Variants in RP9 observed in about 807,000 individuals in gnomAD.
RP9 encodes RP9 pre-mRNA splicing factor, also known as retinitis pigmentosa 9 protein.
A neutral mutation model predicts 32.6 loss-of-function variants in RP9; 23 were observed. The observed-to-expected ratio is 0.71, with a 90% CI of 0.51 to 1.00. The LOEUF is 1.00. RP9 is among the 50% of genes least tolerant of loss of function. The pLI is 0.00. For missense variants in RP9, 245 were observed against 285.3 expected, an observed-to-expected ratio of 0.86 and a Z score of 1.02; for synonymous variants, 94 against 103.6, an observed-to-expected ratio of 0.91 and a Z score of 0.56.
At chr7:33,100,721 A>G in intron 1 of RP9, 160 bp from the exon 2 acceptor site, 1 of 721,432 alleles carries the variant, frequency 1.4e-6, no homozygotes, top group Non-Finnish European at 2.6e-6. Context: ...GAAGAGCAGA[A>G]TGCTTCTCCT....
intron 1 of RP9, among the ~76,000 whole-genome samples, chr7:33,108,713 CA>C (rs1202435365): frequency 6.6e-6 from 1 of 152,214 alleles, no homozygotes; most frequent in Non-Finnish European, 1.5e-5. Flanking sequence ...CACCACGCCC[CA>C]AAAGGCCCAC....
rs1273840732 is a variant in RP9 at position 33,096,549 on chromosome 7, A to G, written c.411T>C (p.His137=). The G allele has an allele frequency of 5.6e-6, 9 of 1,612,038 alleles. No individual in the cohort carries two copies. Among genetic ancestry groups the G allele is most frequent in the African/African-American group, 2.7e-5 (2 of 74,860 alleles). ...NQKLEQFRVA[H]EDPMYDIIRD... ...GTATGATGTCATACATGGGATCTTC[A>G]TGTGCCTTAAGGGTCAGAGAAGGTT... Residue 137 remains histidine, a synonymous_variant, in exon 5 of 6, where the codon CAT becomes CAC. Transcript: ENST00000297157.
At chr7:33,103,084 G>C (rs1311522232) in intron 1 of RP9, among the ~76,000 whole-genome samples, 2 of 152,172 alleles carry the variant, frequency 1.3e-5, no homozygotes, top group African/African-American at 4.8e-5. Flanking sequence ...AAATAAAAAG[G>C]CCATAAAGAT....
At chr7:33,107,804 T>G (rs1322408974) in intron 1 of RP9, among the ~76,000 whole-genome samples, 1 of 152,262 alleles carries the variant, frequency 6.6e-6, no homozygotes, top group African/African-American at 2.4e-5. Flanking sequence ...AGCAAAGAAC[T>G]GTTTTCAAAG....
chr7:33,098,651 G>C (rs1788377807), intron 3 of RP9, among the ~76,000 whole-genome samples: 3 of 152,174 alleles, frequency 2.0e-5, no homozygotes, highest in Admixed American at 6.5e-5. Context: ...GATAGATACT[G>C]AACTCTGAGG....
chr7:33,103,574 G>A (rs909100585), intron 1 of RP9, among the ~76,000 whole-genome samples: 6 of 152,148 alleles, frequency 3.9e-5, no homozygotes, highest in Non-Finnish European at 8.8e-5. Context: ...AGCACTTTGG[G>A]AGGCTTAAGT....
intron 1 of RP9, among the ~76,000 whole-genome samples, chr7:33,107,705 G>A (rs1788518324): frequency 1.3e-5 from 2 of 152,096 alleles, no homozygotes; most frequent in Non-Finnish European, 2.9e-5. Flanking sequence ...CCTCCCAGAA[G>A]GTTAATTATA....
chr7:33,096,663 G>A, intron 4 of RP9, 109 bp from the exon 5 acceptor site: 1 of 804,288 alleles, frequency 1.2e-6, no homozygotes, highest in African/African-American at 1.7e-5. Context: ...TTTACTGTTT[G>A]ATGTAGCTGC....
Position 33,097,296 on chromosome 7 carries a change from T to C in RP9, c.380A>G (p.Asn127Ser). 6.2e-7 allele frequency: 1 copy of C among 1,613,886 alleles called. No homozygotes were observed. Among genetic ancestry groups the C allele is most frequent in the African/African-American group, 1.3e-5 (1 of 75,052 alleles). ...DKECPFFIKG[N>S]QKLEQFRVAH... The stretch of plus-strand genomic sequence containing the variant: ...CACTCTGAACTGCTCTAACTTTTGG[T>C]TGCCTTTGATAAAGAAAGGGCATTC... Residue 127 changes from asparagine to serine, a missense_variant, in exon 4 of 6, where the codon AAC becomes AGC. Asn to Ser is a conservative substitution (Grantham distance 46). Transcript: ENST00000297157.
chr7:33,108,867 G>A (rs1337839244), intron 1 of RP9, among the ~76,000 whole-genome samples: 3 of 152,182 alleles, frequency 2.0e-5, no homozygotes, highest in Admixed American at 1.3e-4. Context: ...AGGGTAGAGG[G>A]AAACCATATT....
At chr7:33,107,063 A>C (rs1195311757) in intron 1 of RP9, among the ~76,000 whole-genome samples, 1 of 152,156 alleles carries the variant, frequency 6.6e-6, no homozygotes, top group Non-Finnish European at 1.5e-5. Context: ...GTTACTGAGG[A>C]GTTGGGCAGC....
chr7:33,098,039 G>A (rs975575888), intron 3 of RP9, among the ~76,000 whole-genome samples: 6 of 152,152 alleles, frequency 3.9e-5, no homozygotes, highest in African/African-American at 1.2e-4. Flanking sequence ...TTCTCAGGTT[G>A]AGTCTGTTCA....
At chr7:33,101,364 G>T (rs1225144860) in intron 1 of RP9, among the ~76,000 whole-genome samples, 1 of 152,174 alleles carries the variant, frequency 6.6e-6, no homozygotes, top group East Asian at 1.9e-4. Context: ...CACTTTGGGA[G>T]GCTGAGGCGG....
intron 4 of RP9, 52 bp from the exon 5 acceptor site, chr7:33,096,606 T>TA: frequency 8.2e-7 from 1 of 1,218,206 alleles, no homozygotes. Flanking sequence ...GATCACAAGT[T>TA]AAATACAATG....
At chr7:33,108,624 T>C (rs958749076) in intron 1 of RP9, among the ~76,000 whole-genome samples, 2 of 152,244 alleles carry the variant, frequency 1.3e-5, no homozygotes, top group Non-Finnish European at 2.9e-5. Flanking sequence ...GCAACTTTTA[T>C]CGCCTGAGCG....
intron 2 of RP9, 158 bp downstream of exon 2, chr7:33,100,373 G>A: frequency 1.4e-6 from 1 of 725,610 alleles, no homozygotes; most frequent in Non-Finnish European, 2.4e-6. Flanking sequence ...AGAGGCTTGT[G>A]ACAAAACTAA....
intron 4 of RP9, among the ~76,000 whole-genome samples, chr7:33,096,842 G>A (rs1478358224): frequency 2.0e-5 from 3 of 146,898 alleles, no homozygotes; most frequent in Non-Finnish European, 4.5e-5. Context: ...CAAAAACAAA[G>A]AAAAATACAG....
At chr7:33,097,496 T>C (rs904315652) in intron 3 of RP9, 134 bp from the exon 4 acceptor site, 31 of 672,642 alleles carry the variant, frequency 4.6e-5, no homozygotes, top group African/African-American at 1.6e-4. Flanking sequence ...GGACAAGCCA[T>C]GTAAGATCCC....
At chr7:33,102,448 AT>A (rs1788439251) in intron 1 of RP9, among the ~76,000 whole-genome samples, 1 of 152,156 alleles carries the variant, frequency 6.6e-6, no homozygotes, top group Non-Finnish European at 1.5e-5. Context: ...AAGTACTGGG[AT>A]TGTATACATG....
Sources: gnomAD v4.1 joint callset for allele counts (sites outside exome capture counted in the v4.1 genomes callset) on GRCh38, gnomAD v4.1.1 for gene constraint, MANE v1.5 for transcripts, NCBI Gene and HGNC (gene_info 2026-07-23, HGNC 2026-07-21) for gene names.